Variants in WDR7 observed in about 807,000 individuals in gnomAD.
WDR7 encodes WD repeat domain 7, also known as WD repeat-containing protein 7.
WDR7 carries 46 observed loss-of-function variants against 169.4 expected under a neutral mutation model. The observed-to-expected ratio is 0.27, with a 90% CI of 0.21 to 0.35. The LOEUF (loss-of-function observed/expected upper bound fraction) is 0.35, where lower values mean the gene tolerates loss of function less well. WDR7 is among the 10% of genes least tolerant of loss of function. The pLI is 1.00. For missense variants in WDR7, 1,534 were observed against 1,859.3 expected (o/e 0.83, Z 3.22); for synonymous variants, 612 against 666.8 (o/e 0.92, Z 1.27).
chr18:56,778,223 T>C (rs955022916), intron 17 of WDR7, among the ~76,000 whole-genome samples: 5 of 152,158 alleles, frequency 3.3e-5, no homozygotes, highest in Non-Finnish European at 5.9e-5. Flanking sequence ...TGTCAGTCTG[T>C]CTCTCTCCCG....
intron 26 of WDR7, among the ~76,000 whole-genome samples, chr18:56,964,581 T>C (rs534797016): frequency 1.3e-5 from 2 of 152,028 alleles, no homozygotes; most frequent in South Asian, 4.2e-4. Flanking sequence ...AGAGATGGGG[T>C]CTCATCATGT....
chr18:56,835,478 AT>A (rs1568222628), intron 20 of WDR7, among the ~76,000 whole-genome samples: 1 of 152,194 alleles, frequency 6.6e-6, no homozygotes, highest in Non-Finnish European at 1.5e-5. Context: ...GAAATATGCA[AT>A]TTTTAAATAA....
At position 56,790,129 on chromosome 18, in the gene WDR7, G is replaced by A. The variant is rs143862989; in HGVS notation, c.3190+8473G>A. Among the ~76,000 whole-genome samples the A allele has an allele frequency of 1.0e-2, 1,522 of 152,286 alleles. 16 individuals are homozygous for A. Among genetic ancestry groups the A allele is most frequent in the Non-Finnish European group, 0.015 (1,000 of 68,016 alleles). On this transcript the variant is annotated intron_variant, in intron 19 of 27. Transcript: ENST00000254442. The stretch of plus-strand genomic sequence containing the variant: ...TACAAAACACTGCACATGAATACCG[G>A]AACGTGTCTTTGTAATAGAACAAGT...
chr18:57,013,079 C>G (rs942088041), intron 26 of WDR7, among the ~76,000 whole-genome samples: 1 of 152,184 alleles, frequency 6.6e-6, no homozygotes, highest in African/African-American at 2.4e-5. Flanking sequence ...GACAAGTTTT[C>G]CATGGACCTG....
intron 25 of WDR7, among the ~76,000 whole-genome samples, chr18:56,961,865 C>G (rs904417395): frequency 5.9e-5 from 9 of 152,064 alleles, no homozygotes; most frequent in Non-Finnish European, 1.2e-4. Context: ...ATAACTTTTT[C>G]TGGTGGATAG....
intron 19 of WDR7, among the ~76,000 whole-genome samples, chr18:56,807,371 G>T (rs1392025903): frequency 3.3e-5 from 5 of 151,844 alleles, no homozygotes; most frequent in African/African-American, 4.8e-5. Flanking sequence ...ATAGTCTTTG[G>T]TTTTTTTGTG....
intron 26 of WDR7, among the ~76,000 whole-genome samples, chr18:56,965,309 G>A (rs372065252): frequency 1.1e-3 from 169 of 152,194 alleles, no homozygotes; most frequent in Middle Eastern, 3.4e-3. Context: ...AGGCCCAGTG[G>A]GATCAGAGAA....
At chr18:56,775,542 A>G (rs372086316) in intron 16 of WDR7, among the ~76,000 whole-genome samples, 8 of 152,190 alleles carry the variant, frequency 5.3e-5, no homozygotes, top group African/African-American at 1.7e-4. Context: ...TTTCATAAGT[A>G]TAACATTGTA....
rs376077737 is a variant in WDR7, at chr18:56,783,784, A to C, written c.3190+2128A>C. ...ATTAGTACAGGGTTGTATTCTTGAC[A>C]GAGAAAAACGTTGGGAAAAAGAGAT... On this transcript the variant is annotated intron_variant, in intron 19 of 27. Transcript: ENST00000254442. Among the ~76,000 whole-genome samples, 78 of 152,338 alleles carry C rather than the reference A, an allele frequency of 5.1e-4. 3 individuals carry two copies. The South Asian group carries it at 0.011, about 21-fold the overall frequency.
At chr18:56,882,018 C>G (rs527428650) in intron 21 of WDR7, among the ~76,000 whole-genome samples, 3 of 152,342 alleles carry the variant, frequency 2.0e-5, no homozygotes, top group Non-Finnish European at 4.4e-5. Context: ...AAGTGTCTTG[C>G]GACCTGAGAA....
chr18:56,778,342 C>G (rs1385633926), intron 17 of WDR7, among the ~76,000 whole-genome samples: 1 of 152,104 alleles, frequency 6.6e-6, no homozygotes, highest in Non-Finnish European at 1.5e-5. Context: ...CACTGATTTG[C>G]TAAAATTCTA....
At chr18:56,689,761 G>A (rs2025525231) in intron 7 of WDR7, among the ~76,000 whole-genome samples, 1 of 150,726 alleles carries the variant, frequency 6.6e-6, no homozygotes, top group Non-Finnish European at 1.5e-5. Flanking sequence ...TCAGACTTCT[G>A]GATTTGTCTG....
At chr18:56,915,194 A>T (rs1196397102) in intron 21 of WDR7, among the ~76,000 whole-genome samples, 2 of 152,326 alleles carry the variant, frequency 1.3e-5, no homozygotes, top group Admixed American at 1.3e-4. Flanking sequence ...AGTGTTTCTC[A>T]ATCCATATTC....
In WDR7 at chr18:57,027,873, CACTT is replaced by C. The variant is rs1358031564; in HGVS notation, c.*668_*671del. The C allele has an allele frequency of 1.3e-5, 2 of 152,056 alleles. No homozygotes were observed. The highest frequency in any genetic ancestry group is 1.9e-4 in the East Asian group (1 of 5,202). The allele number at this position is 152,056 out of a possible 1,614,324, so 9.4% of individuals were successfully genotyped here. A position where few individuals can be genotyped will look rare whatever the true frequency, so the allele number is the denominator to read the frequency against. On this transcript the variant is annotated 3_prime_UTR_variant, in exon 28 of 28. Transcript: ENST00000254442. ...TCCTTGTAGAAAATAGTTTTCCAGA[CACTT>C]AGCCTTCTGAAGTGCTCATCTCTTG...
At chr18:56,920,123 A>G (rs144687071) in intron 21 of WDR7, among the ~76,000 whole-genome samples, 2,151 of 152,000 alleles carry the variant, frequency 0.014, 33 homozygotes, top group East Asian at 0.037. Flanking sequence ...GTTTTACTAC[A>G]TGTAACCCCT....
At chr18:56,816,219 T>G in intron 20 of WDR7, 75 bp downstream of exon 20, 1 of 1,306,726 alleles carries the variant, frequency 7.7e-7, no homozygotes, top group Non-Finnish European at 1.1e-6. Context: ...TTATTTGTGG[T>G]GGGATTAAGT....
intron 21 of WDR7, among the ~76,000 whole-genome samples, chr18:56,913,623 C>CAAAAA (rs3045241): frequency 7.4e-6 from 1 of 134,828 alleles, no homozygotes; most frequent in African/African-American, 2.9e-5. Context: ...CCCATCTCTA[C>CAAAAA]AAAAAAAAAA....
At chr18:56,694,829 A>G in intron 10 of WDR7, 69 bp downstream of exon 10, 1 of 1,541,036 alleles carries the variant, frequency 6.5e-7, no homozygotes, top group South Asian at 1.3e-5. Context: ...ACTGAATAAC[A>G]TTCATAATGT....
At chr18:56,899,720 AATC>A (rs1039266949) in intron 21 of WDR7, among the ~76,000 whole-genome samples, 7 of 152,076 alleles carry the variant, frequency 4.6e-5, no homozygotes, top group African/African-American at 1.7e-4. Context: ...TTTAAAAAAA[AATC>A]ATTCTAGACT....
Sources: gnomAD v4.1 joint callset for allele counts (sites outside exome capture counted in the v4.1 genomes callset) on GRCh38, gnomAD v4.1.1 for gene constraint, MANE v1.5 for transcripts, NCBI Gene and HGNC (gene_info 2026-07-23, HGNC 2026-07-21) for gene names.